Variants in HS6ST2 observed in about 807,000 individuals in gnomAD.
HS6ST2 encodes the protein heparan sulfate 6-O-sulfotransferase 2, also known as heparan-sulfate 6-O-sulfotransferase 2.
HS6ST2 carries 17 observed loss-of-function variants against 33.0 expected under a neutral mutation model. That is an observed-to-expected ratio of 0.52 (90% confidence interval 0.35 to 0.77). The LOEUF is 0.77. Among genes scored for constraint, HS6ST2 ranks in the 30% least tolerant of loss-of-function variants. The pLI is 0.01. For missense variants in HS6ST2, 519 were observed against 551.7 expected, an observed-to-expected ratio of 0.94 and a Z score of 0.59; for synonymous variants, 248 against 237.1, an observed-to-expected ratio of 1.05 and a Z score of -0.42.
At chrX:132,876,238 C>T (rs1461324966) in intron 2 of HS6ST2, among the ~76,000 whole-genome samples, 2 of 110,977 alleles carry the variant, frequency 1.8e-5, no homozygotes, top group Non-Finnish European at 3.8e-5. Context: ...CTTAATCTAC[C>T]TTCACCTTAG....
Position 132,628,650 on chromosome X carries a change from G to A in HS6ST2, c.1511C>T (p.Ala504Val). ...SPFTQYNTTR[A>V]SSVEINEEIQ... ...TTCCTCATTGATCTCTACACTAGAG[G>A]CCCTAGTGGTATTATACTGGGTAAA... Residue 504 changes from alanine (A) to valine (V), a missense_variant, in exon 5 of 5, where the codon GCC becomes GTC. Ala to Val is a moderately conservative substitution (Grantham distance 64, BLOSUM62 0). Transcript: ENST00000370833. The A allele has an allele frequency of 8.3e-7, 1 of 1,209,669 alleles. No homozygotes were observed. Among genetic ancestry groups the A allele is most frequent in the Non-Finnish European group, 1.1e-6 (1 of 893,688 alleles).
At chrX:132,841,203 T>C (rs1442504347) in intron 2 of HS6ST2, among the ~76,000 whole-genome samples, 2 of 112,035 alleles carry the variant, frequency 1.8e-5, no homozygotes, top group Non-Finnish European at 3.8e-5. Flanking sequence ...AAAGATTTAT[T>C]GTTCATTTTT....
At chrX:132,878,293 C>T (rs2066127736) in intron 2 of HS6ST2, among the ~76,000 whole-genome samples, 1 of 112,365 alleles carries the variant, frequency 8.9e-6, no homozygotes, top group African/African-American at 3.2e-5. Flanking sequence ...TCCACCCCTG[C>T]ATAAGGTGTG....
intron 2 of HS6ST2, among the ~76,000 whole-genome samples, chrX:132,887,990 T>A (rs2066268727): frequency 9.0e-6 from 1 of 111,427 alleles, no homozygotes; most frequent in Admixed American, 9.5e-5. Context: ...TTGCCAGAGG[T>A]CAAGAGTGAA....
At chrX:132,726,653 T>G (rs1443705281) in intron 2 of HS6ST2, among the ~76,000 whole-genome samples, 1 of 112,323 alleles carries the variant, frequency 8.9e-6, no homozygotes, top group Non-Finnish European at 1.9e-5. Flanking sequence ...CCTTTAGCTG[T>G]CCCTGGCCTA....
intron 2 of HS6ST2, among the ~76,000 whole-genome samples, chrX:132,796,319 C>T (rs917949369): frequency 5.4e-5 from 6 of 111,654 alleles, no homozygotes; most frequent in African/African-American, 1.6e-4. Context: ...TCCAACCTAC[C>T]GAATTCCTAC....
chrX:132,662,990 A>T (rs772916226), intron 4 of HS6ST2, among the ~76,000 whole-genome samples: 57 of 111,698 alleles, frequency 5.1e-4, no homozygotes, highest in Non-Finnish European at 1.9e-4. Context: ...AAACAAGCAT[A>T]ATCACTAGTT....
intron 2 of HS6ST2, among the ~76,000 whole-genome samples, chrX:132,852,175 T>C (rs1359836192): frequency 9.0e-6 from 1 of 111,406 alleles, no homozygotes; most frequent in African/African-American, 3.3e-5. Flanking sequence ...AACACTGATA[T>C]GTATCCTTTG....
chrX:132,809,443 GA>G (rs765549997), intron 2 of HS6ST2, among the ~76,000 whole-genome samples: 1 of 112,014 alleles, frequency 8.9e-6, no homozygotes, highest in Admixed American at 9.5e-5. Flanking sequence ...AATACGTTTT[GA>G]GTACTGACAA....
intron 3 of HS6ST2, among the ~76,000 whole-genome samples, chrX:132,674,494 A>G (rs995437359): frequency 2.7e-5 from 3 of 111,650 alleles, no homozygotes; most frequent in Admixed American, 9.5e-5. Context: ...CCATTCCATT[A>G]ACTTTTCACT....
intron 2 of HS6ST2, among the ~76,000 whole-genome samples, chrX:132,762,697 G>A (rs1194743753): frequency 9.0e-6 from 1 of 111,512 alleles, no homozygotes; most frequent in East Asian, 2.8e-4. Flanking sequence ...TTGGCATCAT[G>A]TCAGCTGCTA....
intron 4 of HS6ST2, among the ~76,000 whole-genome samples, chrX:132,654,137 T>C (rs1183508582): frequency 9.0e-6 from 1 of 110,679 alleles, no homozygotes; most frequent in Non-Finnish European, 1.9e-5. Flanking sequence ...AGTGTTCTTA[T>C]CAAAAAACAA....
chrX:132,857,934 G>C (rs1302820936), intron 2 of HS6ST2, among the ~76,000 whole-genome samples: 1 of 111,891 alleles, frequency 8.9e-6, no homozygotes, highest in Non-Finnish European at 1.9e-5. Context: ...TGCACGGCAT[G>C]GCACCTAACT....
intron 2 of HS6ST2, among the ~76,000 whole-genome samples, chrX:132,860,151 G>A (rs976173754): frequency 2.7e-5 from 3 of 111,891 alleles, no homozygotes; most frequent in Admixed American, 9.5e-5. Flanking sequence ...TCCCCTACGG[G>A]AAATCCACAT....
intron 2 of HS6ST2, among the ~76,000 whole-genome samples, chrX:132,956,206 A>G (rs1480166289): frequency 8.9e-6 from 1 of 111,888 alleles, no homozygotes; most frequent in Non-Finnish European, 1.9e-5. Flanking sequence ...CAAGAAGAGA[A>G]AAACAGAAAG....
intron 2 of HS6ST2, among the ~76,000 whole-genome samples, chrX:132,917,592 CAA>C (rs371446172): frequency 9.5e-5 from 8 of 83,850 alleles, no homozygotes; most frequent in East Asian, 4.0e-4. Context: ...GACTCCCTCT[CAA>C]AAAAAAAAAA....
Position 132,733,564 on chromosome X carries a change from T to C in HS6ST2, c.948-25070A>G, listed in dbSNP as rs186491899. 4.5e-4 allele frequency among the ~76,000 whole-genome samples: 50 copies of C among 111,281 alleles called. No individual in the cohort carries two copies. In the Middle Eastern group the frequency reaches 0.014, roughly 31 times the overall value. Reference sequence around the variant, plus strand: ...TTTGAGCTAATCTGAGGTATTAACATTTGCAGAAACTCTCTTTTTCAAAAG... The same window carrying C: ...TTTGAGCTAATCTGAGGTATTAACACTTGCAGAAACTCTCTTTTTCAAAAG... On this transcript the variant is annotated intron_variant, in intron 2 of 4. Transcript: ENST00000370833.
At chrX:132,882,838 G>A (rs917151655) in intron 2 of HS6ST2, among the ~76,000 whole-genome samples, 3 of 111,374 alleles carry the variant, frequency 2.7e-5, no homozygotes, top group African/African-American at 6.5e-5. Context: ...AGCATGAAGG[G>A]CTGTTGAATT....
intron 2 of HS6ST2, among the ~76,000 whole-genome samples, chrX:132,950,616 C>T (rs1270415519): frequency 9.0e-6 from 1 of 111,417 alleles, no homozygotes; most frequent in Non-Finnish European, 1.9e-5. Context: ...TTCTTTAGTA[C>T]CAGTGAAATA....
Sources: allele counts gnomAD v4.1 joint callset (sites outside exome capture counted in the v4.1 genomes callset), GRCh38; gene constraint gnomAD v4.1.1; transcripts MANE v1.5; gene names NCBI Gene and HGNC (gene_info 2026-07-23, HGNC 2026-07-21).